LRIG1: variants seen among roughly 807,000 people sequenced by gnomAD.
LRIG1 encodes leucine rich repeats and immunoglobulin like domains 1.
A neutral mutation model predicts 99.2 loss-of-function variants in LRIG1; 48 were observed. The observed-to-expected ratio is 0.48, with a 90% CI of 0.38 to 0.62. The LOEUF (loss-of-function observed/expected upper bound fraction) is 0.62. Among genes scored for constraint, LRIG1 ranks in the 20% least tolerant of loss-of-function variants. LRIG1 has a pLI of 0.00. For synonymous variants in LRIG1, 772 were observed against 596.1 expected, an observed-to-expected ratio of 1.29 and a Z score of -4.30; for missense variants, 1,646 against 1,434.4, an observed-to-expected ratio of 1.15 and a Z score of -2.38.
chr3:66,398,222 A>C, intron 10 of LRIG1, 39 bp from the exon 11 acceptor site: 1 of 1,528,684 alleles, frequency 6.5e-7, no homozygotes, highest in Non-Finnish European at 9.1e-7. Context: ...AAGAAACCCT[A>C]GGTACACCTG....
At chr3:66,393,956 C>G (rs1399645248) in intron 12 of LRIG1, 84 bp downstream of exon 12, 1 of 1,440,878 alleles carries the variant, frequency 6.9e-7, no homozygotes, top group East Asian at 2.3e-5. Context: ...ACTCTGATCA[C>G]AGGAATTACT....
intron 3 of LRIG1, among the ~76,000 whole-genome samples, chr3:66,449,727 C>T (rs937459898): frequency 3.3e-5 from 5 of 152,208 alleles, no homozygotes; most frequent in African/African-American, 1.2e-4. Context: ...CCACCTCTCA[C>T]TTTTACAACT....
At position 66,380,168 on chromosome 3, in the gene LRIG1, C is replaced by G; in HGVS notation, c.*95G>C. On this transcript the variant is annotated 3_prime_UTR_variant, in exon 19 of 19. Transcript: ENST00000273261. Reference sequence around the variant, plus strand: ...TCCACATGGGAGTTACAACTATGTACAGATGAGTGACGCTTGAACCCAAGC... The same window carrying G: ...TCCACATGGGAGTTACAACTATGTAGAGATGAGTGACGCTTGAACCCAAGC... 1 of 959,526 alleles carries G rather than the reference C, an allele frequency of 1.0e-6. No homozygotes were observed. Among genetic ancestry groups the G allele is most frequent in the Non-Finnish European group, 1.6e-6 (1 of 644,422 alleles). 59.4% of individuals were successfully genotyped at this position (959,526 alleles called of 1,614,324 possible). A position where few individuals can be genotyped will look rare whatever the true frequency, so the allele number is the denominator to read the frequency against.
rs574408695 is a variant in LRIG1, at chr3:66,435,759, C to T, written c.365+15800G>A. On this transcript the variant is annotated intron_variant, in intron 3 of 18. Coordinates refer to ENST00000273261, the MANE Select transcript of LRIG1 (RefSeq NM_015541.3). ...TTGGGAGAAACTGGGTTTAAGGGTACGTGAGGGATCTCCCCATATTACTTT... is the reference window on the plus strand; with the variant it reads ...TTGGGAGAAACTGGGTTTAAGGGTATGTGAGGGATCTCCCCATATTACTTT... 3.5e-5 allele frequency among the ~76,000 whole-genome samples: 5 copies of T among 143,492 alleles called. No individual in the cohort carries two copies. In the East Asian group the frequency reaches 8.6e-4, roughly 25 times the overall value. The allele number at this position is 143,492 out of a possible 152,430, so 94.1% of individuals were successfully genotyped here. A position where few individuals can be genotyped will look rare whatever the true frequency, so the allele number is the denominator to read the frequency against.
chr3:66,440,289 T>C (rs1703499558), intron 3 of LRIG1, among the ~76,000 whole-genome samples: 1 of 152,142 alleles, frequency 6.6e-6, no homozygotes, highest in Non-Finnish European at 1.5e-5. Context: ...GACATCTAGA[T>C]TTTTTTAAGC....
chr3:66,384,416 A>G, intron 13 of LRIG1, 144 bp from the exon 14 acceptor site: 1 of 862,500 alleles, frequency 1.2e-6, no homozygotes, highest in Non-Finnish European at 1.9e-6. Context: ...CACTCCTGCC[A>G]CCTGTGAATC....
chr3:66,467,394 T>G (rs1700498422), intron 1 of LRIG1, among the ~76,000 whole-genome samples: 2 of 142,468 alleles, frequency 1.4e-5, no homozygotes, highest in South Asian at 4.4e-4. Context: ...GGAGTCTCGC[T>G]CTGTCGCCCA....
intron 12 of LRIG1, among the ~76,000 whole-genome samples, chr3:66,391,395 A>G (rs75374948): frequency 5.8e-4 from 88 of 152,356 alleles, no homozygotes; most frequent in African/African-American, 2.0e-3. Flanking sequence ...AGTGGGGACA[A>G]TCTAATGTCC....
intron 9 of LRIG1, among the ~76,000 whole-genome samples, chr3:66,403,228 C>G (rs539783173): frequency 6.6e-6 from 1 of 152,168 alleles, no homozygotes; most frequent in Non-Finnish European, 1.5e-5. Flanking sequence ...AGGCATCATA[C>G]CATTTTCTTT....
intron 3 of LRIG1, among the ~76,000 whole-genome samples, chr3:66,425,254 A>C (rs1225377114): frequency 6.6e-6 from 1 of 152,186 alleles, no homozygotes; most frequent in East Asian, 1.9e-4. Flanking sequence ...AAACTTCCAA[A>C]GCTTGGCTAA....
chr3:66,436,603 G>T (rs1703366863), intron 3 of LRIG1, among the ~76,000 whole-genome samples: 2 of 152,170 alleles, frequency 1.3e-5, no homozygotes, highest in Admixed American at 6.5e-5. Flanking sequence ...ACAACGCAGA[G>T]CCCGGGGGTC....
intron 9 of LRIG1, 72 bp downstream of exon 9, chr3:66,405,126 G>T: frequency 7.3e-7 from 1 of 1,366,902 alleles, no homozygotes. Context: ...CGCGGGGGGC[G>T]CCACAGAAAC....
chr3:66,471,331 T>C (rs536695967), intron 1 of LRIG1, among the ~76,000 whole-genome samples: 2 of 152,046 alleles, frequency 1.3e-5, no homozygotes, highest in Non-Finnish European at 2.9e-5. Context: ...ACATAGTCCT[T>C]AAGCTCTACA....
intron 3 of LRIG1, among the ~76,000 whole-genome samples, chr3:66,444,872 TA>T (rs1703663906): frequency 5.4e-3 from 1 of 186 alleles, no homozygotes; most frequent in South Asian, 0.083. Flanking sequence ...TAGATAATTA[TA>T]TATATATATA....
chr3:66,430,220 A>T (rs1703124912), intron 3 of LRIG1, among the ~76,000 whole-genome samples: 2 of 152,190 alleles, frequency 1.3e-5, no homozygotes, highest in Non-Finnish European at 2.9e-5. Context: ...AGGACCAACC[A>T]TCCAATTAAA....
At chr3:66,395,718 G>A (rs575410523) in intron 11 of LRIG1, among the ~76,000 whole-genome samples, 1 of 152,230 alleles carries the variant, frequency 6.6e-6, no homozygotes, top group Admixed American at 6.5e-5. Flanking sequence ...GGCCATCCCT[G>A]AGGAAATGGT....
intron 3 of LRIG1, among the ~76,000 whole-genome samples, chr3:66,446,069 T>C (rs374874379): frequency 6.6e-6 from 1 of 152,230 alleles, no homozygotes; most frequent in Admixed American, 6.5e-5. Context: ...TAATGCGAAC[T>C]GATCTTTGCA....
chr3:66,384,806 G>C (rs1701284805), intron 13 of LRIG1, among the ~76,000 whole-genome samples: 1 of 152,186 alleles, frequency 6.6e-6, no homozygotes, highest in African/African-American at 2.4e-5. Context: ...CATTCAGCTT[G>C]CTAGCTTGCT....
chr3:66,383,929 G>C, intron 14 of LRIG1, 62 bp downstream of exon 14: 10 of 1,516,976 alleles, frequency 6.6e-6, no homozygotes, highest in Non-Finnish European at 8.9e-6. Flanking sequence ...CAGAGCATTT[G>C]AGAGTCTCTC....
Sources: allele counts gnomAD v4.1 joint callset (sites outside exome capture counted in the v4.1 genomes callset), GRCh38; gene constraint gnomAD v4.1.1; transcripts MANE v1.5; gene names NCBI Gene and HGNC (gene_info 2026-07-23, HGNC 2026-07-21).